The following PLAAT5 variants were observed in gnomAD, a reference collection of about 807,000 sequenced individuals.
PLAAT5 encodes the protein Ca(2+)-independent N-acyltransferase.
A neutral mutation model predicts 27.8 loss-of-function variants in PLAAT5; 27 were observed. That is an observed-to-expected ratio of 0.97 (90% CI 0.72 to 1.34). The LOEUF (loss-of-function observed/expected upper bound fraction) is 1.34. Among genes scored for constraint, PLAAT5 ranks in the 40% most tolerant of loss-of-function variants. PLAAT5 has a pLI of 0.00. For missense variants in PLAAT5, 368 were observed against 343.8 expected, an observed-to-expected ratio of 1.07 and a Z score of -0.56; for synonymous variants, 125 against 136.1, an observed-to-expected ratio of 0.92 and a Z score of 0.57.
chr11:63,470,756 T>C (rs553209359), intron 3 of PLAAT5: 8 of 152,306 alleles, frequency 5.3e-5, no homozygotes, highest in Admixed American at 3.9e-4. Context: ...TGTACAAATA[T>C]AAAGAATGTG....
rs1040635235 is a variant in PLAAT5 at position 63,468,438 on chromosome 11, G to A, written c.373C>T (p.Leu125=). ...EGKPRPRPGD[L]IEIFRIGYEH... ...TAGCCAATTCGAAAAATCTCAATCA[G>A]GTCTCCAGGTCTGGGTCTTGGTTTT... The change falls in exon 4 of 6, where the codon CTG becomes TTG. Residue 125 remains leucine, a synonymous_variant. Coordinates refer to ENST00000540857, the MANE Select transcript of PLAAT5 (RefSeq NM_001146729.2). The A allele has an allele frequency of 1.2e-6, 2 of 1,613,850 alleles. No homozygotes were observed. The highest frequency in any genetic ancestry group is 2.7e-5 in the African/African-American group (2 of 74,886).
chr11:63,473,157 A>G lies in PLAAT5; in HGVS notation c.346-4692T>C, dbSNP rs542786230. ...TTCTAATAGTTTTGTAAGTACAGGCATGTCTCATTTTACTGTGCTTTGCTT... is the reference window on the plus strand; with the variant it reads ...TTCTAATAGTTTTGTAAGTACAGGCGTGTCTCATTTTACTGTGCTTTGCTT... On this transcript the variant is annotated intron_variant, in intron 3 of 5. Transcript: ENST00000540857. Among the ~76,000 whole-genome samples the G allele has an allele frequency of 2.8e-4, 43 of 152,200 alleles. No homozygotes were observed. The South Asian group carries it at 8.7e-3, about 31-fold the overall frequency.
chr11:63,464,344 A>C (rs2015797076), intron 5 of PLAAT5, among the ~76,000 whole-genome samples: 1 of 152,174 alleles, frequency 6.6e-6, no homozygotes, highest in Admixed American at 6.5e-5. Flanking sequence ...TTTAATCCTT[A>C]ATTTTTTCCA....
intron 3 of PLAAT5, among the ~76,000 whole-genome samples, chr11:63,472,388 C>T (rs992315291): frequency 3.3e-5 from 5 of 152,204 alleles, no homozygotes; most frequent in Admixed American, 3.3e-4. Context: ...TATATGGAGG[C>T]ACCACATTTT....
rs977605007 is a variant in PLAAT5, at chr11:63,491,026, C to A, written c.9G>T (p.Leu3=). 9 of 1,464,282 alleles carry A rather than the reference C, an allele frequency of 6.1e-6. No individual in the cohort carries two copies. Among genetic ancestry groups the A allele is most frequent in the Non-Finnish European group, 8.1e-6 (9 of 1,108,142 alleles). The allele number at this position is 1,464,282 out of a possible 1,614,324, so 90.7% of individuals were successfully genotyped here. A position where few individuals can be genotyped will look rare whatever the true frequency, so the allele number is the denominator to read the frequency against. The change falls in exon 1 of 6, where the codon CTG becomes CTT. Residue 3 remains leucine, a synonymous_variant. Coordinates refer to ENST00000540857, the MANE Select transcript of PLAAT5 (RefSeq NM_001146729.2). ...CGTACTCCCCCTCGGCGCCCGGGCT[C>A]AGGCCCATCCCGCCTCTGCGGCCTC... The part of the protein sequence containing the change: MG[L]SPGAEGEYAL...
intron 3 of PLAAT5, among the ~76,000 whole-genome samples, chr11:63,474,117 T>C (rs2016097009): frequency 6.6e-6 from 1 of 152,204 alleles, no homozygotes; most frequent in East Asian, 1.9e-4. Flanking sequence ...TGCTAGCATT[T>C]TTCTGAGGGT....
chr11:63,480,734 G>A (rs1005200196), intron 3 of PLAAT5, among the ~76,000 whole-genome samples: 1 of 152,126 alleles, frequency 6.6e-6, no homozygotes, highest in Non-Finnish European at 1.5e-5. Context: ...CTTTTCTACA[G>A]TCCCATCCTT....
chr11:63,473,842 A>G (rs915620477), intron 3 of PLAAT5, among the ~76,000 whole-genome samples: 2 of 151,434 alleles, frequency 1.3e-5, no homozygotes, highest in Non-Finnish European at 2.9e-5. Flanking sequence ...CCTCCCAAGT[A>G]GCTGGATTAC....
intron 3 of PLAAT5, among the ~76,000 whole-genome samples, chr11:63,478,026 T>C (rs923855118): frequency 6.6e-6 from 1 of 152,210 alleles, no homozygotes; most frequent in African/African-American, 2.4e-5. Flanking sequence ...TATCATTACC[T>C]GGATTTCCAT....
chr11:63,484,192 T>C (rs183088614), intron 3 of PLAAT5, among the ~76,000 whole-genome samples: 2 of 150,228 alleles, frequency 1.3e-5, no homozygotes, highest in African/African-American at 4.9e-5. Flanking sequence ...CCAGACAGAT[T>C]CACAGCTGAA....
Position 63,488,947 on chromosome 11 carries a change from G to T in PLAAT5, c.269C>A (p.Thr90Lys). The T allele has an allele frequency of 6.2e-7, 1 of 1,613,440 alleles. No homozygotes were observed. The highest frequency in any genetic ancestry group is 8.5e-7 in the Non-Finnish European group (1 of 1,179,534). ...ACTCCAGTCTGCTTTCTGGCTGGGT[G>T]TGGTCTCCAAGCTAACTACAGCCTT... ...GEKAVVSLET[T>K]PSQKADWSSI... The change falls in exon 3 of 6, where the codon ACA becomes AAA. Residue 90 changes from threonine (T) to lysine (K), a missense_variant. Transcript: ENST00000540857.
chr11:63,478,366 G>A (rs916501037), intron 3 of PLAAT5, among the ~76,000 whole-genome samples: 1 of 151,714 alleles, frequency 6.6e-6, no homozygotes, highest in Non-Finnish European at 1.5e-5. Context: ...TGTTACCCAG[G>A]CTGGAGTGCA....
intron 3 of PLAAT5, chr11:63,469,545 TA>T: frequency 4.2e-6 from 1 of 235,974 alleles, no homozygotes; most frequent in Non-Finnish European, 9.6e-6. Flanking sequence ...AAAGTGATAC[TA>T]AAAAGATATG....
intron 3 of PLAAT5, among the ~76,000 whole-genome samples, chr11:63,484,076 T>A (rs1181365250): frequency 6.7e-6 from 1 of 148,598 alleles, no homozygotes; most frequent in African/African-American, 2.5e-5. Context: ...CCTCCTAGAT[T>A]AAATCAGGAA....
At chr11:63,481,405 A>G (rs1392848934) in intron 3 of PLAAT5, among the ~76,000 whole-genome samples, 1 of 152,186 alleles carries the variant, frequency 6.6e-6, no homozygotes, top group Non-Finnish European at 1.5e-5. Context: ...GTGCCATTGC[A>G]CTCCAGCCTG....
intron 3 of PLAAT5, among the ~76,000 whole-genome samples, chr11:63,482,777 T>G (rs979933442): frequency 1.3e-5 from 2 of 152,172 alleles, no homozygotes; most frequent in Non-Finnish European, 2.9e-5. Flanking sequence ...TAAAATTGAC[T>G]GTAAATGGCC....
rs1219483123 is a variant in PLAAT5, at chr11:63,483,775, CAA to C, written c.345+5094_345+5095del. On this transcript the variant is annotated intron_variant, in intron 3 of 5. Transcript: ENST00000540857. Reference sequence around the variant, plus strand: ...AGAGCAGAAGTAAATGAAATTGAAGCAAAAAAAAAATATATATATATATATGT... The same window carrying C: ...AGAGCAGAAGTAAATGAAATTGAAGCAAAAAAAATATATATATATATATGT... Among the ~76,000 whole-genome samples, 52 of 27,748 alleles carry C rather than the reference CAA, an allele frequency of 1.9e-3. 1 individual carries two copies. Among genetic ancestry groups the C allele is most frequent in the African/African-American group, 7.6e-3 (40 of 5,256 alleles). 18.2% of individuals were successfully genotyped at this position (27,748 alleles called of 152,430 possible). A position where few individuals can be genotyped will look rare whatever the true frequency, so the allele number is the denominator to read the frequency against.
In PLAAT5 at chr11:63,474,155, A is replaced by G. The variant is rs114852241; in HGVS notation, c.346-5690T>C. 5.2e-3 allele frequency among the ~76,000 whole-genome samples: 799 copies of G among 152,250 alleles called. 14 individuals carry two copies. The highest frequency in any genetic ancestry group is 0.018 in the African/African-American group (737 of 41,534). Reference sequence around the variant, plus strand: ...TTACATGTATATTCATAGAGATATTAGTCTTGTAGCTTCCTTTTTTTGAGA... The same window carrying G: ...TTACATGTATATTCATAGAGATATTGGTCTTGTAGCTTCCTTTTTTTGAGA... On this transcript the variant is annotated intron_variant, in intron 3 of 5. Transcript: ENST00000540857.
intron 3 of PLAAT5, chr11:63,469,750 A>G (rs549542527): frequency 6.9e-5 from 11 of 159,158 alleles, no homozygotes; most frequent in African/African-American, 2.2e-4. Flanking sequence ...TCAAATAGAC[A>G]TAAGACATGG....
Sources: allele counts gnomAD v4.1 joint callset (sites outside exome capture counted in the v4.1 genomes callset), GRCh38; gene constraint gnomAD v4.1.1; transcripts MANE v1.5; gene names NCBI Gene and HGNC (gene_info 2026-07-23, HGNC 2026-07-21).